APIP: variants seen among roughly 807,000 people sequenced by gnomAD.
The protein encoded by APIP is APAF1 interacting protein.
In APIP, 32 loss-of-function variants were observed where a neutral mutation model predicts 32.0. The observed-to-expected ratio is 1.00, with a 90% CI of 0.76 to 1.34. The LOEUF is 1.34. APIP is among the 40% of genes most tolerant of loss of function. The pLI is 0.00. For synonymous variants in APIP, 92 were observed against 94.8 expected, an observed-to-expected ratio of 0.97 and a Z score of 0.17; for missense variants, 247 against 298.6, an observed-to-expected ratio of 0.83 and a Z score of 1.27.
intron 1 of APIP, among the ~76,000 whole-genome samples, chr11:34,897,874 C>T (rs975664104): frequency 6.6e-6 from 1 of 152,144 alleles, no homozygotes; most frequent in Admixed American, 6.5e-5. Context: ...ATCCCCTGGG[C>T]CCTATGAAAA....
chr11:34,893,909 T>A (rs1233861853), intron 2 of APIP, among the ~76,000 whole-genome samples: 3 of 152,202 alleles, frequency 2.0e-5, no homozygotes, highest in Admixed American at 2.0e-4. Flanking sequence ...CAACAGCACA[T>A]AAATATTTTA....
At chr11:34,901,716 G>A (rs1433642233) in intron 1 of APIP, among the ~76,000 whole-genome samples, 1 of 152,122 alleles carries the variant, frequency 6.6e-6, no homozygotes, top group African/African-American at 2.4e-5. Flanking sequence ...CTTGCATGGG[G>A]GCCAGCATCC....
chr11:34,888,862 T>G lies in APIP; in HGVS notation c.215A>C (p.Asp72Ala). Residue 72 changes from aspartate to alanine, a missense_variant, in exon 4 of 7, where the codon GAC becomes GCC. By Grantham distance (126) the Asp-to-Ala change is moderately radical. Coordinates refer to ENST00000395787, the MANE Select transcript of APIP (RefSeq NM_015957.4). The part of the protein sequence containing the change: ...GVQKERIQPE[D>A]MFVCDINEKD... ...TTCATTTATATCACAAACAAACATG[T>G]CTTCAGGCTATTTATAGAGGGGAAA... 6.8e-7 allele frequency: 1 copy of G among 1,479,288 alleles called. No individual in the cohort carries two copies. Among genetic ancestry groups the G allele is most frequent in the African/African-American group, 1.5e-5 (1 of 67,492 alleles). 91.6% of individuals were successfully genotyped at this position (1,479,288 alleles called of 1,614,324 possible).
At chr11:34,906,980 C>T (rs1447461862) in intron 1 of APIP, among the ~76,000 whole-genome samples, 1 of 152,172 alleles carries the variant, frequency 6.6e-6, no homozygotes, top group African/African-American at 2.4e-5. Context: ...CCGAACCACA[C>T]GTGGACGTGC....
chr11:34,912,218 A>G (rs772524862), intron 1 of APIP, among the ~76,000 whole-genome samples: 20 of 152,298 alleles, frequency 1.3e-4, no homozygotes, highest in Middle Eastern at 3.4e-3. Context: ...AGTACATGAA[A>G]CATAAGTCAC....
intron 1 of APIP, 105 bp downstream of exon 1, chr11:34,916,123 C>T (rs1256868231): frequency 7.6e-6 from 11 of 1,449,894 alleles, no homozygotes; most frequent in Admixed American, 2.1e-5. Flanking sequence ...AACCCCGCCC[C>T]GCAGCTAAAC....
At chr11:34,903,302 A>G (rs745840358) in intron 1 of APIP, among the ~76,000 whole-genome samples, 2 of 152,220 alleles carry the variant, frequency 1.3e-5, no homozygotes, top group Non-Finnish European at 2.9e-5. Flanking sequence ...CTTTTGTAGA[A>G]CAAGGAGTAT....
At chr11:34,915,980 CT>C (rs1853671951) in intron 1 of APIP, 1 of 583,598 alleles carries the variant, frequency 1.7e-6, no homozygotes. Flanking sequence ...TTATTTGCTT[CT>C]TTCCAACGTT....
intron 1 of APIP, chr11:34,897,002 GA>G: frequency 2.8e-6 from 1 of 355,214 alleles, no homozygotes; most frequent in Non-Finnish European, 5.5e-6. Flanking sequence ...TCACAACAAG[GA>G]AGCATGCCTT....
intron 1 of APIP, among the ~76,000 whole-genome samples, chr11:34,914,008 A>G (rs7105174): frequency 0.19 from 28,779 of 152,018 alleles, 3,892 homozygotes; most frequent in African/African-American, 0.39. Flanking sequence ...ATCAAGGACA[A>G]CCCTGAGATT....
At chr11:34,893,350 A>C (rs1853210121) in intron 2 of APIP, among the ~76,000 whole-genome samples, 1 of 152,216 alleles carries the variant, frequency 6.6e-6, no homozygotes, top group Admixed American at 6.5e-5. Flanking sequence ...TATTTTATAC[A>C]TACACAAACT....
chr11:34,902,729 T>C (rs540362701), intron 1 of APIP, among the ~76,000 whole-genome samples: 1 of 152,320 alleles, frequency 6.6e-6, no homozygotes, highest in East Asian at 1.9e-4. Flanking sequence ...TTCAACCAGC[T>C]AAAGCAAGCC....
chr11:34,895,097 G>GGAT lies in APIP; in HGVS notation c.68_70dup (p.His23dup). 1 of 1,613,632 alleles carries GGAT rather than the reference G, an allele frequency of 6.2e-7. No individual in the cohort carries two copies. Among genetic ancestry groups the GGAT allele is most frequent in the Non-Finnish European group, 8.5e-7 (1 of 1,179,660 alleles). ...GCAAAGTTCTGGGATCAGGTATCTT[G>GGAT]GATGCTCCTTGTCCTTAAAAAGAAG... is the stretch of plus-strand genomic sequence containing the variant. On this transcript the variant is annotated inframe_insertion, in exon 2 of 7. Transcript: ENST00000395787.
chr11:34,882,671 A>G lies in APIP; in HGVS notation c.*46T>C. 1.5e-6 allele frequency: 2 copies of G among 1,365,486 alleles called. No homozygotes were observed. Among genetic ancestry groups the G allele is most frequent in the Non-Finnish European group, 2.0e-6 (2 of 988,794 alleles). 84.6% of individuals were successfully genotyped at this position (1,365,486 alleles called of 1,614,324 possible). Reference sequence around the variant, plus strand: ...AAAAATAGCTTTCATTTAAATAATAATTACGTTTAGCTTTATCTCTGTATA... The same window carrying G: ...AAAAATAGCTTTCATTTAAATAATAGTTACGTTTAGCTTTATCTCTGTATA... On this transcript the variant is annotated 3_prime_UTR_variant, in exon 7 of 7. Transcript: ENST00000395787.
chr11:34,912,785 A>C (rs1853577435), intron 1 of APIP, among the ~76,000 whole-genome samples: 1 of 152,190 alleles, frequency 6.6e-6, no homozygotes, highest in Admixed American at 6.5e-5. Flanking sequence ...CAAACGGCCT[A>C]TTGCGGGATC....
At chr11:34,890,282 T>G (rs1853163925) in intron 3 of APIP, among the ~76,000 whole-genome samples, 1 of 152,192 alleles carries the variant, frequency 6.6e-6, no homozygotes, top group Non-Finnish European at 1.5e-5. Context: ...CACTATTCAC[T>G]TTTGCCCCCT....
intron 1 of APIP, among the ~76,000 whole-genome samples, chr11:34,906,925 C>A (rs188520877): frequency 1.4e-3 from 220 of 152,296 alleles, no homozygotes; most frequent in Non-Finnish European, 6.8e-4. Context: ...TAACTCAAAT[C>A]ATTTCCTCTT....
intron 1 of APIP, among the ~76,000 whole-genome samples, chr11:34,900,113 T>A (rs1401053646): frequency 1.3e-5 from 2 of 152,210 alleles, no homozygotes; most frequent in African/African-American, 4.8e-5. Flanking sequence ...AACAGTTAGA[T>A]CTTTTCTATA....
Position 34,916,081 on chromosome 11 carries a change from G to T in APIP, c.57+147C>A, listed in dbSNP as rs565528504. On this transcript the variant is annotated intron_variant, in intron 1 of 6. Transcript: ENST00000395787. ...CCTTGCTTCCGAACGCCAAGGTCGC[G>T]GTGCGCCGGGGTAGCGAACGGCCAG... The T allele has an allele frequency of 3.7e-5, 39 of 1,061,668 alleles. No individual in the cohort carries two copies. In the South Asian group the frequency reaches 5.8e-4, roughly 16 times the overall value. 65.8% of individuals were successfully genotyped at this position (1,061,668 alleles called of 1,614,324 possible).
Sources: gnomAD v4.1 joint callset for allele counts (sites outside exome capture counted in the v4.1 genomes callset) on GRCh38, gnomAD v4.1.1 for gene constraint, MANE v1.5 for transcripts, NCBI Gene and HGNC (gene_info 2026-07-23, HGNC 2026-07-21) for gene names.